The following UXS1 variants were observed in gnomAD, a reference collection of about 807,000 sequenced individuals.
UXS1 encodes UDP-glucuronic acid decarboxylase 1.
Under a neutral mutation model 62.6 loss-of-function variants are expected in UXS1, and 33 were observed. That is an observed-to-expected ratio of 0.53 (90% confidence interval 0.40 to 0.70). The LOEUF is 0.70. UXS1 is among the 30% of genes least tolerant of loss of function. UXS1 has a pLI of 0.00. For missense variants in UXS1, 434 were observed against 556.3 expected, an observed-to-expected ratio of 0.78 and a Z score of 2.21; for synonymous variants, 213 against 206.8, an observed-to-expected ratio of 1.03 and a Z score of -0.26.
intron 1 of UXS1, among the ~76,000 whole-genome samples, chr2:106,180,134 T>C (rs993534310): frequency 2.6e-5 from 4 of 152,020 alleles, no homozygotes; most frequent in African/African-American, 7.3e-5. Flanking sequence ...CCTCCACATA[T>C]AAAGTAAAAA....
chr2:106,172,612 T>A (rs1683639211), intron 1 of UXS1, among the ~76,000 whole-genome samples: 1 of 151,738 alleles, frequency 6.6e-6, no homozygotes, highest in African/African-American at 2.4e-5. Flanking sequence ...GATTCTCCCA[T>A]CTCAACCGAT....
intron 1 of UXS1, among the ~76,000 whole-genome samples, chr2:106,181,034 T>C (rs1386340613): frequency 6.6e-6 from 1 of 152,228 alleles, no homozygotes; most frequent in African/African-American, 2.4e-5. Flanking sequence ...ATGAATCTCC[T>C]TAGTTTTCTG....
intron 2 of UXS1, among the ~76,000 whole-genome samples, chr2:106,165,394 T>C (rs1417548238): frequency 6.6e-6 from 1 of 152,188 alleles, no homozygotes; most frequent in Non-Finnish European, 1.5e-5. Context: ...ACCAACCTAA[T>C]CATCACAATA....
At chr2:106,117,009 A>G (rs1679111447) in intron 9 of UXS1, among the ~76,000 whole-genome samples, 1 of 152,140 alleles carries the variant, frequency 6.6e-6, no homozygotes, top group Non-Finnish European at 1.5e-5. Context: ...GAGAAAAAAA[A>G]TCACCTCCTG....
At chr2:106,156,785 T>C (rs1170589455) in intron 5 of UXS1, among the ~76,000 whole-genome samples, 2 of 152,226 alleles carry the variant, frequency 1.3e-5, no homozygotes, top group African/African-American at 4.8e-5. Context: ...AGTACAGCCA[T>C]AACCATTGTG....
At chr2:106,173,708 C>T (rs776653375) in intron 1 of UXS1, among the ~76,000 whole-genome samples, 5 of 152,262 alleles carry the variant, frequency 3.3e-5, no homozygotes, top group Non-Finnish European at 7.3e-5. Flanking sequence ...TGTGCTCCCA[C>T]ACAACTTTAT....
intron 1 of UXS1, among the ~76,000 whole-genome samples, chr2:106,173,177 C>G (rs188268985): frequency 6.6e-6 from 1 of 152,160 alleles, no homozygotes; most frequent in African/African-American, 2.4e-5. Context: ...CTGAGACAGA[C>G]GAACATAGTA....
chr2:106,096,106 A>G (rs1339370080), intron 14 of UXS1, among the ~76,000 whole-genome samples: 1 of 152,158 alleles, frequency 6.6e-6, no homozygotes. Context: ...CCGCACACTC[A>G]ATAGGCAGGC....
intron 10 of UXS1, among the ~76,000 whole-genome samples, chr2:106,107,723 T>C (rs966807111): frequency 4.6e-5 from 7 of 152,182 alleles, no homozygotes; most frequent in Non-Finnish European, 1.0e-4. Flanking sequence ...CATTCATAAG[T>C]GCACTGGAAG....
intron 4 of UXS1, among the ~76,000 whole-genome samples, chr2:106,162,028 G>T (rs1682929953): frequency 2.6e-5 from 4 of 152,144 alleles, no homozygotes; most frequent in Admixed American, 1.3e-4. Context: ...ACTGAGTCAG[G>T]AAAAGTAAGC....
chr2:106,123,141 C>A, intron 8 of UXS1, 50 bp from the exon 9 acceptor site: 3 of 1,608,952 alleles, frequency 1.9e-6, no homozygotes, highest in Non-Finnish European at 2.5e-6. Context: ...TTTTCCAGTT[C>A]ATATCAATAA....
chr2:106,165,890 A>G (rs563178997), intron 2 of UXS1, among the ~76,000 whole-genome samples, 166 bp downstream of exon 2: 4 of 152,322 alleles, frequency 2.6e-5, no homozygotes, highest in Admixed American at 2.6e-4. Context: ...ATTCCTTGAG[A>G]ATACCCATAG....
At position 106,140,335 on chromosome 2, in the gene UXS1, G is replaced by A. The variant is rs376417232; in HGVS notation, c.472+4855C>T. On this transcript the variant is annotated intron_variant, in intron 6 of 14. Coordinates refer to ENST00000283148, the MANE Select transcript of UXS1 (RefSeq NM_001253875.2). Reference sequence around the variant, plus strand: ...AACAGCTCCAAATTAAACAGAGGGCGATCTCTAAGAGCCACCACTGCAGTT... The same window carrying A: ...AACAGCTCCAAATTAAACAGAGGGCAATCTCTAAGAGCCACCACTGCAGTT... Among the ~76,000 whole-genome samples the A allele has an allele frequency of 2.7e-4, 41 of 152,284 alleles. 2 individuals carry two copies. The highest frequency in any genetic ancestry group is 3.4e-3 in the Middle Eastern group (1 of 294).
intron 1 of UXS1, among the ~76,000 whole-genome samples, chr2:106,177,466 G>A (rs1683961140): frequency 6.6e-6 from 1 of 152,058 alleles, no homozygotes; most frequent in Non-Finnish European, 1.5e-5. Flanking sequence ...AAAGTGATGG[G>A]ATTATAGGCG....
chr2:106,187,352 T>G (rs1416415575), intron 1 of UXS1, among the ~76,000 whole-genome samples: 3 of 152,146 alleles, frequency 2.0e-5, no homozygotes, highest in Non-Finnish European at 4.4e-5. Flanking sequence ...GTTGTTGGAT[T>G]TTAGCTGTCT....
At chr2:106,107,861 A>C in intron 10 of UXS1, among the ~76,000 whole-genome samples, 1 of 152,210 alleles carries the variant, frequency 6.6e-6, no homozygotes, top group South Asian at 2.1e-4. Context: ...GCCTTCAGGT[A>C]CGGTGACAAA....
rs1049826368 is a variant in UXS1 at position 106,191,538 on chromosome 2, T to C, written c.94+2610A>G. Among the ~76,000 whole-genome samples, 3 of 152,366 alleles carry C rather than the reference T, an allele frequency of 2.0e-5. 1 individual carries two copies. On this transcript the variant is annotated intron_variant, in intron 1 of 14. Coordinates refer to ENST00000283148, the MANE Select transcript of UXS1 (RefSeq NM_001253875.2). ...CCTCCACCCTGTGTTAAACCCCTCA[T>C]AGCTAAAATCAACCATGTCGTGGGC... is the stretch of plus-strand genomic sequence containing the variant.
intron 9 of UXS1, among the ~76,000 whole-genome samples, chr2:106,120,088 T>A (rs566779572): frequency 6.6e-6 from 1 of 152,094 alleles, no homozygotes; most frequent in Non-Finnish European, 1.5e-5. Context: ...CAGAAAAAAG[T>A]GGGAATGAGT....
At chr2:106,139,015 T>A (rs999277739) in intron 6 of UXS1, 2 of 334,182 alleles carry the variant, frequency 6.0e-6, no homozygotes, top group African/African-American at 2.2e-5. Context: ...TAAGTAACAT[T>A]AATAACAACC....
Sources: allele counts gnomAD v4.1 joint callset (sites outside exome capture counted in the v4.1 genomes callset), GRCh38; gene constraint gnomAD v4.1.1; transcripts MANE v1.5; gene names NCBI Gene and HGNC (gene_info 2026-07-23, HGNC 2026-07-21).